GALNTL6: variants seen among roughly 807,000 people sequenced by gnomAD.
GALNTL6 encodes the protein polypeptide N-acetylgalactosaminyltransferase like 6.
In GALNTL6, 46 loss-of-function variants were observed where a neutral mutation model predicts 73.7. That is an observed-to-expected ratio of 0.62 (90% CI 0.49 to 0.80). GALNTL6 has a LOEUF of 0.80. GALNTL6 is among the 30% of genes least tolerant of loss of function. The probability of loss-of-function intolerance (pLI) is 0.00; values close to 1 mark genes in which losing one functional copy is unlikely to be tolerated. For synonymous variants in GALNTL6, 259 were observed against 263.7 expected (o/e 0.98, Z 0.17); for missense variants, 604 against 755.0 (o/e 0.80, Z 2.34).
intron 5 of GALNTL6, among the ~76,000 whole-genome samples, chr4:172,482,452 T>G (rs1306799414): frequency 6.6e-6 from 1 of 152,212 alleles, no homozygotes; most frequent in Non-Finnish European, 1.5e-5. Context: ...GATTCAAGGA[T>G]GAGGAAATAG....
intron 4 of GALNTL6, among the ~76,000 whole-genome samples, chr4:172,344,285 C>G (rs530743174): frequency 2.6e-4 from 40 of 152,304 alleles, no homozygotes; most frequent in South Asian, 1.4e-3. Context: ...ATGTGCTTCA[C>G]TATTTCTAGT....
intron 5 of GALNTL6, among the ~76,000 whole-genome samples, chr4:172,498,531 A>G (rs1398050868): frequency 6.6e-6 from 1 of 152,192 alleles, no homozygotes; most frequent in Non-Finnish European, 1.5e-5. Flanking sequence ...ACAAAGAGAA[A>G]TATATCCATT....
chr4:172,500,023 A>C (rs973750228), intron 5 of GALNTL6, among the ~76,000 whole-genome samples: 7 of 152,214 alleles, frequency 4.6e-5, no homozygotes, highest in African/African-American at 1.4e-4. Context: ...AAATAGCTGA[A>C]AAATTTATAA....
At chr4:173,019,714 C>G (rs900726108) in intron 11 of GALNTL6, among the ~76,000 whole-genome samples, 1 of 152,210 alleles carries the variant, frequency 6.6e-6, no homozygotes, top group Non-Finnish European at 1.5e-5. Flanking sequence ...TCTCTTTTAT[C>G]CTGTCTTCCA....
At chr4:172,970,065 G>C (rs188576492) in intron 10 of GALNTL6, among the ~76,000 whole-genome samples, 151 of 152,266 alleles carry the variant, frequency 9.9e-4, no homozygotes, top group African/African-American at 3.5e-3. Flanking sequence ...AAAGGGGAGG[G>C]TGTGTACGAA....
At chr4:172,836,705 A>C (rs1190296135) in intron 7 of GALNTL6, among the ~76,000 whole-genome samples, 1 of 152,242 alleles carries the variant, frequency 6.6e-6, no homozygotes, top group Non-Finnish European at 1.5e-5. Flanking sequence ...ACAGGTTGGC[A>C]TTTGAAAACC....
At chr4:172,456,622 T>C (rs1732408889) in intron 5 of GALNTL6, among the ~76,000 whole-genome samples, 1 of 151,464 alleles carries the variant, frequency 6.6e-6, no homozygotes, top group Non-Finnish European at 1.5e-5. Flanking sequence ...ATCAGCTCAA[T>C]GAAATAAAGC....
At chr4:171,841,081 T>C (rs998724538) in intron 2 of GALNTL6, among the ~76,000 whole-genome samples, 1 of 152,202 alleles carries the variant, frequency 6.6e-6, no homozygotes, top group Non-Finnish European at 1.5e-5. Context: ...CAAAACCTTT[T>C]AGAAGATTCT....
chr4:172,728,215 G>A (rs534757554), intron 5 of GALNTL6, among the ~76,000 whole-genome samples: 1 of 152,210 alleles, frequency 6.6e-6, no homozygotes, highest in South Asian at 2.1e-4. Flanking sequence ...CTATTTTTAT[G>A]TGTACAATTC....
chr4:172,238,340 G>A (rs1048473090), intron 3 of GALNTL6, among the ~76,000 whole-genome samples: 3 of 151,964 alleles, frequency 2.0e-5, no homozygotes, highest in Non-Finnish European at 2.9e-5. Flanking sequence ...TTATTCCTAG[G>A]TATTTTATCT....
intron 2 of GALNTL6, among the ~76,000 whole-genome samples, chr4:171,834,486 A>C (rs1173648242): frequency 6.6e-6 from 1 of 151,994 alleles, no homozygotes; most frequent in Non-Finnish European, 1.5e-5. Flanking sequence ...AATTTAGGAT[A>C]CTGACCCTGG....
intron 2 of GALNTL6, among the ~76,000 whole-genome samples, chr4:171,900,492 T>C (rs984269396): frequency 2.0e-5 from 3 of 151,200 alleles, no homozygotes; most frequent in African/African-American, 2.4e-5. Context: ...TATTTTTTTT[T>C]TTTTTTTAGT....
At chr4:172,462,619 A>G (rs1732659083) in intron 5 of GALNTL6, among the ~76,000 whole-genome samples, 1 of 152,206 alleles carries the variant, frequency 6.6e-6, no homozygotes, top group East Asian at 1.9e-4. Flanking sequence ...TATTTAAAAC[A>G]ACATAATATT....
chr4:172,291,965 G>A (rs1739492850), intron 3 of GALNTL6, among the ~76,000 whole-genome samples: 1 of 152,030 alleles, frequency 6.6e-6, no homozygotes, highest in African/African-American at 2.4e-5. Context: ...TGCATATAAA[G>A]ACAACTATTT....
intron 5 of GALNTL6, among the ~76,000 whole-genome samples, chr4:172,389,754 C>A (rs926233850): frequency 9.9e-5 from 15 of 152,112 alleles, no homozygotes; most frequent in African/African-American, 3.6e-4. Flanking sequence ...ATTTGACAAA[C>A]CCAGATGGTG....
At chr4:172,831,453 G>A (rs941016462) in intron 7 of GALNTL6, among the ~76,000 whole-genome samples, 1 of 152,158 alleles carries the variant, frequency 6.6e-6, no homozygotes, top group African/African-American at 2.4e-5. Flanking sequence ...AAAAATTGGA[G>A]AGGGGCGTCA....
intron 5 of GALNTL6, among the ~76,000 whole-genome samples, chr4:172,759,884 C>T (rs1737975753): frequency 7.7e-6 from 1 of 129,724 alleles, no homozygotes; most frequent in Non-Finnish European, 1.5e-5. Flanking sequence ...GGCCGGACTG[C>T]GGACTGCAGT....
At chr4:172,964,871 G>T (rs1220131790) in intron 10 of GALNTL6, among the ~76,000 whole-genome samples, 2 of 152,236 alleles carry the variant, frequency 1.3e-5, no homozygotes, top group East Asian at 3.9e-4. Context: ...AACGAGCGAG[G>T]CTCCCTCACA....
chr4:172,382,100 G>C (rs1743304309), intron 5 of GALNTL6, among the ~76,000 whole-genome samples: 1 of 152,142 alleles, frequency 6.6e-6, no homozygotes, highest in Non-Finnish European at 1.5e-5. Context: ...CTCCCAAGTA[G>C]CTGGGACTAC....
Sources: allele counts gnomAD v4.1 joint callset (sites outside exome capture counted in the v4.1 genomes callset), GRCh38; gene constraint gnomAD v4.1.1; transcripts MANE v1.5; gene names NCBI Gene and HGNC (gene_info 2026-07-23, HGNC 2026-07-21).